PTGFR: variants seen among roughly 807,000 people sequenced by gnomAD.
The protein encoded by PTGFR is prostaglandin F2-alpha receptor.
In PTGFR, 15 loss-of-function variants were observed where a neutral mutation model predicts 26.2. That is an observed-to-expected ratio of 0.57 (90% CI 0.38 to 0.88). The LOEUF is 0.88. Among genes scored for constraint, PTGFR ranks in the 40% least tolerant of loss-of-function variants. PTGFR has a pLI of 0.00. For synonymous variants in PTGFR, 165 were observed against 151.1 expected, an observed-to-expected ratio of 1.09 and a Z score of -0.68; for missense variants, 369 against 427.2, an observed-to-expected ratio of 0.86 and a Z score of 1.20.
At chr1:78,529,418 C>T (rs1411970930) in intron 2 of PTGFR, among the ~76,000 whole-genome samples, 1 of 152,046 alleles carries the variant, frequency 6.6e-6, no homozygotes, top group Non-Finnish European at 1.5e-5. Context: ...TCTATTATTA[C>T]CAATATTTGG....
At chr1:78,505,842 A>T (rs61769131) in intron 2 of PTGFR, among the ~76,000 whole-genome samples, 17,848 of 152,182 alleles carry the variant, frequency 0.12, 1,779 homozygotes, top group African/African-American at 0.28. Flanking sequence ...AGGTTCATCT[A>T]CATCTACACT....
At chr1:78,533,162 G>C (rs1650564107) in intron 2 of PTGFR, among the ~76,000 whole-genome samples, 1 of 152,114 alleles carries the variant, frequency 6.6e-6, no homozygotes, top group Admixed American at 6.6e-5. Context: ...TATAAGACTA[G>C]TATTATTTTA....
chr1:78,511,958 A>C (rs946494919), intron 2 of PTGFR, among the ~76,000 whole-genome samples: 97 of 152,318 alleles, frequency 6.4e-4, no homozygotes, highest in South Asian at 1.5e-3. Context: ...GATCCCTAGG[A>C]CATGAATACA....
At chr1:78,496,568 G>C (rs1039141670) in intron 2 of PTGFR, among the ~76,000 whole-genome samples, 1 of 152,102 alleles carries the variant, frequency 6.6e-6, no homozygotes, top group African/African-American at 2.4e-5. Flanking sequence ...CGAAGGTAGA[G>C]GTACATGCAC....
intron 1 of PTGFR, 34 bp from the exon 2 acceptor site, chr1:78,492,638 C>T: frequency 1.9e-6 from 2 of 1,077,778 alleles, no homozygotes; most frequent in Non-Finnish European, 2.6e-6. Context: ...AGCAGTAATG[C>T]GGTGTTCATA....
rs1232829299 is a variant in PTGFR at position 78,536,601 on chromosome 1, A to G, written c.994A>G (p.Ile332Val). 1.9e-6 allele frequency: 3 copies of G among 1,613,220 alleles called. No individual in the cohort carries two copies. Among genetic ancestry groups the G allele is most frequent in the African/African-American group, 2.7e-5 (2 of 74,860 alleles). Reference protein sequence around the residue: ...CCGVHVISLHIWELSSIKNSL... With the variant: ...CCGVHVISLHVWELSSIKNSL... ...TGGAGTGCATGTCATCAGCTTACAT[A>G]TTTGGGAGCTTAGTTCCATTAAAAA... is the stretch of plus-strand genomic sequence containing the variant. Residue 332 changes from isoleucine to valine, a missense_variant, in exon 3 of 3, where the codon ATT becomes GTT. Transcript: ENST00000370757.
Position 78,511,028 on chromosome 1 carries a change from A to G in PTGFR, c.798+17487A>G, listed in dbSNP as rs1487285798. ...GGCTCCCAAGGGCTGAGGAAAATTC[A>G]TCCCTTTGGCTTTGCAGGGTGCAGC... On this transcript the variant is annotated intron_variant, in intron 2 of 2. Transcript: ENST00000370757. Among the ~76,000 whole-genome samples the G allele has an allele frequency of 2.6e-5, 4 of 152,330 alleles. No individual in the cohort carries two copies. In the South Asian group the frequency reaches 6.2e-4, roughly 24 times the overall value.
intron 2 of PTGFR, among the ~76,000 whole-genome samples, chr1:78,515,520 G>A (rs1650072147): frequency 6.6e-6 from 1 of 152,126 alleles, no homozygotes. Context: ...GTGGCTGGTG[G>A]CTAAAAATCA....
At chr1:78,497,887 T>C in intron 2 of PTGFR, 4 of 1,589,600 alleles carry the variant, frequency 2.5e-6, no homozygotes, top group Non-Finnish European at 3.5e-6. Flanking sequence ...TACAGAATAA[T>C]TTTGAATGGG....
chr1:78,500,649 C>A (rs897771830), intron 2 of PTGFR, among the ~76,000 whole-genome samples: 2 of 152,212 alleles, frequency 1.3e-5, no homozygotes, highest in Non-Finnish European at 2.9e-5. Context: ...AAGCTTCCTG[C>A]GTGCAGATGT....
intron 2 of PTGFR, among the ~76,000 whole-genome samples, chr1:78,509,633 T>G (rs765603071): frequency 6.6e-6 from 1 of 152,252 alleles, no homozygotes; most frequent in Non-Finnish European, 1.5e-5. Context: ...GGCTTTTTTG[T>G]TACTGAAATC....
chr1:78,534,153 A>G (rs1650589132), intron 2 of PTGFR, among the ~76,000 whole-genome samples: 1 of 152,172 alleles, frequency 6.6e-6, no homozygotes, highest in Non-Finnish European at 1.5e-5. Flanking sequence ...ATATTCCTTT[A>G]GCTCCATGTA....
intron 2 of PTGFR, among the ~76,000 whole-genome samples, chr1:78,515,509 T>C (rs1650071795): frequency 6.6e-6 from 1 of 152,250 alleles, no homozygotes; most frequent in Non-Finnish European, 1.5e-5. Context: ...CAAATGTATA[T>C]GTGGCTGGTG....
intron 2 of PTGFR, among the ~76,000 whole-genome samples, chr1:78,529,131 T>C (rs1650445397): frequency 6.6e-6 from 1 of 152,138 alleles, no homozygotes; most frequent in Non-Finnish European, 1.5e-5. Flanking sequence ...ATAAACTAAA[T>C]GGGCCAGTTG....
chr1:78,535,803 A>G (rs368263408), intron 2 of PTGFR, among the ~76,000 whole-genome samples: 4 of 152,142 alleles, frequency 2.6e-5, no homozygotes, highest in Admixed American at 6.5e-5. Context: ...GTAGAGAGAA[A>G]CTCCTTTCCT....
rs1483066105 is a variant in PTGFR at position 78,537,955 on chromosome 1, A to G, written c.*1268A>G. On this transcript the variant is annotated 3_prime_UTR_variant, in exon 3 of 3. Transcript: ENST00000370757. ...AGGTCTATCAGAAATTAGGGAAGGTAGTCCTGCTTTATAATAGGAAAATGT... is the reference window on the plus strand; with the variant it reads ...AGGTCTATCAGAAATTAGGGAAGGTGGTCCTGCTTTATAATAGGAAAATGT... 6.6e-6 allele frequency: 1 copy of G among 152,162 alleles called. No individual in the cohort carries two copies. The highest frequency in any genetic ancestry group is 1.5e-5 in the Non-Finnish European group (1 of 68,014). 9.4% of individuals were successfully genotyped at this position (152,162 alleles called of 1,614,324 possible).
chr1:78,511,104 G>T (rs1649957410), intron 2 of PTGFR, among the ~76,000 whole-genome samples: 2 of 152,162 alleles, frequency 1.3e-5, no homozygotes, highest in Admixed American at 1.3e-4. Context: ...GCTTTTTCAG[G>T]CTTATGGTGC....
intron 2 of PTGFR, among the ~76,000 whole-genome samples, chr1:78,505,533 T>C (rs990369063): frequency 2.0e-5 from 3 of 152,224 alleles, no homozygotes; most frequent in African/African-American, 7.2e-5. Context: ...TTATTTATTG[T>C]GGGAAAATTT....
intron 2 of PTGFR, among the ~76,000 whole-genome samples, chr1:78,504,317 TG>T (rs1261541808): frequency 4.6e-5 from 7 of 152,294 alleles, no homozygotes; most frequent in African/African-American, 1.7e-4. Flanking sequence ...ACCTAGCTAA[TG>T]GGGAAAATAC....
Sources: gnomAD v4.1 joint callset for allele counts (sites outside exome capture counted in the v4.1 genomes callset) on GRCh38, gnomAD v4.1.1 for gene constraint, MANE v1.5 for transcripts, NCBI Gene and HGNC (gene_info 2026-07-23, HGNC 2026-07-21) for gene names.